Variants in BRINP3 observed in about 807,000 individuals in gnomAD.
BRINP3 encodes the protein BMP/retinoic acid-inducible neural-specific protein 3.
Under a neutral mutation model 71.0 loss-of-function variants are expected in BRINP3, and 19 were observed. The observed-to-expected ratio is 0.27, with a 90% CI of 0.19 to 0.39. BRINP3 has a LOEUF of 0.39. Among genes scored for constraint, BRINP3 ranks in the 10% least tolerant of loss-of-function variants. BRINP3 has a pLI of 1.00. For synonymous variants in BRINP3, 380 were observed against 337.7 expected, an observed-to-expected ratio of 1.13 and a Z score of -1.37; for missense variants, 959 against 940.8, an observed-to-expected ratio of 1.02 and a Z score of -0.25.
chr1:190,183,590 T>C (rs947630766), intron 6 of BRINP3, among the ~76,000 whole-genome samples: 2 of 152,152 alleles, frequency 1.3e-5, no homozygotes, highest in Admixed American at 1.3e-4. Flanking sequence ...TTTTTGCTGA[T>C]ACCATCCTGA....
intron 6 of BRINP3, among the ~76,000 whole-genome samples, chr1:190,188,079 G>A (rs751978279): frequency 4.6e-5 from 7 of 151,758 alleles, no homozygotes; most frequent in Non-Finnish European, 8.8e-5. Flanking sequence ...TAGTTTCATT[G>A]TAGAGATATT....
intron 6 of BRINP3, among the ~76,000 whole-genome samples, chr1:190,186,130 C>G (rs931045937): frequency 6.6e-6 from 1 of 152,174 alleles, no homozygotes; most frequent in Non-Finnish European, 1.5e-5. Context: ...AATCTCAGCA[C>G]TTTTGGAGGC....
chr1:190,443,942 T>C (rs1558291778), intron 2 of BRINP3, among the ~76,000 whole-genome samples: 1 of 152,020 alleles, frequency 6.6e-6, no homozygotes, highest in Non-Finnish European at 1.5e-5. Context: ...CTATAAAACA[T>C]GAACAGTCAG....
At chr1:190,424,782 T>C (rs1434205440) in intron 2 of BRINP3, among the ~76,000 whole-genome samples, 1 of 151,676 alleles carries the variant, frequency 6.6e-6, no homozygotes, top group East Asian at 1.9e-4. Flanking sequence ...GCAAACTAAA[T>C]CTAGAAGTCT....
In BRINP3 at chr1:190,321,926, A is replaced by G. The variant is rs893857879; in HGVS notation, c.237-40176T>C. ...GTTCATGTTACATGCAAGAAAAAGT[A>G]TAAGCCTACAATTATTAAGTGAGTT... On this transcript the variant is annotated intron_variant, in intron 2 of 7. Transcript: ENST00000367462. Among the ~76,000 whole-genome samples, 3 of 152,060 alleles carry G rather than the reference A, an allele frequency of 2.0e-5. No homozygotes were observed. In the South Asian group the frequency reaches 6.2e-4, roughly 31 times the overall value.
rs1659471916 is a variant in BRINP3, at chr1:190,245,178, T to C, written c.619-10701A>G. On this transcript the variant is annotated intron_variant, in intron 4 of 7. Coordinates refer to ENST00000367462, the MANE Select transcript of BRINP3 (RefSeq NM_199051.3). ...TAAAACTCAACAGACTCAAGCATAA[T>C]TAGAAAGACAGAAGTGGATTTCTTG... 2.0e-5 allele frequency among the ~76,000 whole-genome samples: 3 copies of C among 151,684 alleles called. No homozygotes were observed. In the South Asian group the frequency reaches 6.2e-4, roughly 31 times the overall value.
intron 2 of BRINP3, among the ~76,000 whole-genome samples, chr1:190,362,637 C>T (rs1669223006): frequency 6.6e-6 from 1 of 152,010 alleles, no homozygotes. Context: ...TGGGAGGAAC[C>T]CGGTGGGAGA....
intron 2 of BRINP3, among the ~76,000 whole-genome samples, chr1:190,393,334 T>C (rs1245882639): frequency 2.6e-5 from 4 of 151,602 alleles, no homozygotes; most frequent in African/African-American, 4.8e-5. Context: ...ACCCAACTTA[T>C]TGATTGATTG....
chr1:190,279,799 C>T lies in BRINP3; in HGVS notation c.427+1761G>A, dbSNP rs567098734. On this transcript the variant is annotated intron_variant, in intron 3 of 7. Coordinates refer to ENST00000367462, the MANE Select transcript of BRINP3 (RefSeq NM_199051.3). ...TTATTTGTGAATTTGACCCAGTTGG[C>T]TCTCTGGATTTGCTTGCATTCAGAA... 9.9e-5 allele frequency among the ~76,000 whole-genome samples: 15 copies of T among 151,956 alleles called. No individual in the cohort carries two copies. In the South Asian group the frequency reaches 2.9e-3, roughly 29 times the overall value.
At chr1:190,213,235 C>G (rs1656133530) in intron 6 of BRINP3, among the ~76,000 whole-genome samples, 2 of 152,058 alleles carry the variant, frequency 1.3e-5, no homozygotes, top group African/African-American at 4.8e-5. Flanking sequence ...GTATTGCACT[C>G]TGTCATAGTG....
At chr1:190,203,331 A>G (rs1655172283) in intron 6 of BRINP3, among the ~76,000 whole-genome samples, 1 of 151,872 alleles carries the variant, frequency 6.6e-6, no homozygotes, top group Non-Finnish European at 1.5e-5. Flanking sequence ...AAGGACCATG[A>G]GATGCAGTTG....
At chr1:190,301,970 T>C (rs1664771502) in intron 2 of BRINP3, among the ~76,000 whole-genome samples, 1 of 151,802 alleles carries the variant, frequency 6.6e-6, no homozygotes, top group Non-Finnish European at 1.5e-5. Context: ...ACTACTTGTA[T>C]ATAGATAGAA....
intron 6 of BRINP3, among the ~76,000 whole-genome samples, chr1:190,163,246 T>C (rs1571880827): frequency 1.3e-5 from 2 of 152,104 alleles, no homozygotes; most frequent in African/African-American, 2.4e-5. Context: ...TTTTATCTTA[T>C]AGGAATTACC....
intron 2 of BRINP3, among the ~76,000 whole-genome samples, chr1:190,370,401 C>A (rs1669783205): frequency 1.3e-5 from 2 of 151,988 alleles, no homozygotes; most frequent in Admixed American, 1.3e-4. Flanking sequence ...AGAATTAATT[C>A]ATCAAAACTG....
At chr1:190,117,018 C>A (rs1478696016) in intron 7 of BRINP3, among the ~76,000 whole-genome samples, 1 of 152,032 alleles carries the variant, frequency 6.6e-6, no homozygotes, top group Non-Finnish European at 1.5e-5. Context: ...GCTACTTTTG[C>A]TATTTAATCT....
chr1:190,187,708 G>A (rs1452545859), intron 6 of BRINP3, among the ~76,000 whole-genome samples: 2 of 151,890 alleles, frequency 1.3e-5, no homozygotes, highest in Non-Finnish European at 2.9e-5. Flanking sequence ...TTTATTTCAG[G>A]ACTTTCTTTT....
intron 3 of BRINP3, among the ~76,000 whole-genome samples, chr1:190,267,159 T>C (rs1258360286): frequency 2.0e-5 from 3 of 152,262 alleles, no homozygotes; most frequent in African/African-American, 7.2e-5. Flanking sequence ...ATCTTATCAA[T>C]AAATTGTAAA....
chr1:190,285,269 CAAGAT>C (rs1033895925), intron 2 of BRINP3, among the ~76,000 whole-genome samples: 1 of 152,040 alleles, frequency 6.6e-6, no homozygotes, highest in African/African-American at 2.4e-5. Flanking sequence ...TTCCCGAATA[CAAGAT>C]AAGACATTAC....
intron 4 of BRINP3, among the ~76,000 whole-genome samples, chr1:190,235,409 A>G (rs1047022348): frequency 2.6e-5 from 4 of 152,062 alleles, no homozygotes; most frequent in African/African-American, 4.8e-5. Flanking sequence ...AGAATCTTCA[A>G]TAAGATATTC....
Sources: allele counts gnomAD v4.1 joint callset (sites outside exome capture counted in the v4.1 genomes callset), GRCh38; gene constraint gnomAD v4.1.1; transcripts MANE v1.5; gene names NCBI Gene and HGNC (gene_info 2026-07-23, HGNC 2026-07-21).